Variants in ZSCAN26 observed in about 807,000 individuals in gnomAD.
ZSCAN26 encodes zinc finger and SCAN domain containing 26, also known as zinc finger and SCAN domain-containing protein 26.
In ZSCAN26, 26 loss-of-function variants were observed where a neutral mutation model predicts 23.0. The observed-to-expected ratio is 1.13, with a 90% CI of 0.83 to 1.57. The LOEUF (loss-of-function observed/expected upper bound fraction) is 1.57, where lower values mean the gene tolerates loss of function less well. Ranked by LOEUF, ZSCAN26 falls within the 40% of genes most tolerant of loss-of-function variation. The probability of loss-of-function intolerance (pLI) is 0.00; values close to 1 mark genes in which losing one functional copy is unlikely to be tolerated. For missense variants in ZSCAN26, 528 were observed against 568.5 expected (o/e 0.93, Z 0.72); for synonymous variants, 180 against 202.5 (o/e 0.89, Z 0.94).
In ZSCAN26 at chr6:28,272,237, G is replaced by A. The variant is rs746722861; in HGVS notation, c.318G>A (p.Glu106=). Reference sequence around the variant, plus strand: ...AGTTTCTGATCATCCTGCCTAAGGAGCTCCAGGCCCGGGTGCAGGAGCATC... The same window carrying A: ...AGTTTCTGATCATCCTGCCTAAGGAACTCCAGGCCCGGGTGCAGGAGCATC... ...LEQFLIILPK[E]LQARVQEHHP... Residue 106 remains glutamate (E), a synonymous_variant, in exon 2 of 4, where the codon GAG becomes GAA. Transcript: ENST00000421553. 1 of 1,613,540 alleles carries A rather than the reference G, an allele frequency of 6.2e-7. No homozygotes were observed. Among genetic ancestry groups the A allele is most frequent in the Non-Finnish European group, 8.5e-7 (1 of 1,179,770 alleles).
chr6:28,272,084 G>T lies in ZSCAN26; in HGVS notation c.165G>T (p.Arg55Ser). 6.4e-7 allele frequency: 1 copy of T among 1,572,498 alleles called. No individual in the cohort carries two copies. The highest frequency in any genetic ancestry group is 1.2e-5 in the South Asian group (1 of 86,094). ...LGQEPLCKQF[R>S]QLRYEETTGP... ...AGGAGCCATTGTGCAAACAATTCAG[G>T]CAGTTGCGTTATGAAGAGACCACAG... Residue 55 changes from arginine to serine, a missense_variant, in exon 2 of 4, where the codon AGG (arginine) becomes AGT (serine). By Grantham distance (110) the Arg-to-Ser change is moderately radical. Transcript: ENST00000421553.
Position 28,276,178 on chromosome 6 carries a change from T to C in ZSCAN26, c.539-17T>C, listed in dbSNP as rs772099711. 6.4e-6 allele frequency: 10 copies of C among 1,570,068 alleles called. No homozygotes were observed. Among genetic ancestry groups the C allele is most frequent in the Non-Finnish European group, 8.6e-6 (10 of 1,159,346 alleles). ...ATCAAAAGACAAGTAATTGGTGGTA[T>C]ATATTTAATATTGCAGGTGAGGAGA... On this transcript the variant is annotated splice_polypyrimidine_tract_variant and intron_variant, in intron 3 of 3. Coordinates refer to ENST00000421553, the MANE Select transcript of ZSCAN26 (RefSeq NM_001023560.4).
Position 28,272,104 on chromosome 6 carries a change from C to A in ZSCAN26, c.185C>A (p.Thr62Asn), listed in dbSNP as rs375716851. 8.9e-5 allele frequency: 141 copies of A among 1,592,388 alleles called. No homozygotes were observed. In the African/African-American group the frequency reaches 1.8e-3, roughly 20 times the overall value. Reference protein sequence around the residue: ...KQFRQLRYEETTGPREALSRL... With the variant: ...KQFRQLRYEENTGPREALSRL... ...TTCAGGCAGTTGCGTTATGAAGAGA[C>A]CACAGGACCTCGAGAAGCACTAAGT... Residue 62 changes from threonine (T) to asparagine (N), a missense_variant, in exon 2 of 4, where the codon ACC (threonine) becomes AAC (asparagine). Thr to Asn is a moderately conservative substitution (Grantham distance 65). Transcript: ENST00000421553.
chr6:28,275,024 C>T (rs1195794374), intron 3 of ZSCAN26, among the ~76,000 whole-genome samples: 1 of 152,108 alleles, frequency 6.6e-6, no homozygotes, highest in Non-Finnish European at 1.5e-5. Flanking sequence ...TTTATTCACT[C>T]CCCACCTGTG....
At chr6:28,271,809 G>A (rs1761696311) in intron 1 of ZSCAN26, 45 bp from the exon 2 acceptor site, 1 of 929,322 alleles carries the variant, frequency 1.1e-6, no homozygotes, top group East Asian at 2.7e-5. Flanking sequence ...GTTCTTGTTA[G>A]CAGTACTATT....
chr6:28,271,926 A>G lies in ZSCAN26; in HGVS notation c.7A>G (p.Thr3Ala), dbSNP rs1319149092. 6.5e-7 allele frequency: 1 copy of G among 1,549,100 alleles called. No homozygotes were observed. Among genetic ancestry groups the G allele is most frequent in the Admixed American group, 2.0e-5 (1 of 50,626 alleles). ...GAACAGTCTGAAGCTGGGGATGGCA[A>G]CAGCATTGGTGAGTGCCCATTCCCT... Reference protein sequence around the residue: MATALVSAHSLAP... With the variant: MAAALVSAHSLAP... Residue 3 changes from threonine to alanine, a missense_variant, in exon 2 of 4, where the codon ACA (threonine) becomes GCA (alanine). Transcript: ENST00000421553.
Position 28,276,345 on chromosome 6 carries a change from T to C in ZSCAN26, c.689T>C (p.Ile230Thr), listed in dbSNP as rs1040507789. The C allele has an allele frequency of 2.5e-6, 4 of 1,613,840 alleles. No individual in the cohort carries two copies. Among genetic ancestry groups the C allele is most frequent in the East Asian group, 2.2e-5 (1 of 44,896 alleles). Reference sequence around the variant, plus strand: ...CATCAGGCCAAGCCCAAAGAGAAGATTGAGTATAAATGCTCAGAACGTGAG... The same window carrying C: ...CATCAGGCCAAGCCCAAAGAGAAGACTGAGTATAAATGCTCAGAACGTGAG... ...ERHQAKPKEK[I>T]EYKCSEREQR... Residue 230 changes from isoleucine (I) to threonine (T), a missense_variant, in exon 4 of 4, where the codon ATT becomes ACT. Transcript: ENST00000421553.
rs1234530349 is a variant in ZSCAN26 at position 28,277,761 on chromosome 6, G to T, written c.*665G>T. 1 of 152,192 alleles carries T rather than the reference G, an allele frequency of 6.6e-6. No homozygotes were observed. Among genetic ancestry groups the T allele is most frequent in the African/African-American group, 2.4e-5 (1 of 41,434 alleles). The allele number at this position is 152,192 out of a possible 1,614,324, so 9.4% of individuals were successfully genotyped here. On this transcript the variant is annotated 3_prime_UTR_variant, in exon 4 of 4. Coordinates refer to ENST00000421553, the MANE Select transcript of ZSCAN26 (RefSeq NM_001023560.4). ...CCCACCACATTATGTCAAGATTCAA[G>T]TTATAAATTAACGTTTTACTTAGAC...
rs1762026656 is a variant in ZSCAN26 at position 28,278,169 on chromosome 6, G to A, written c.*1073G>A. Reference sequence around the variant, plus strand: ...TATATCCTGGTCTTGGGAGTCCATAGAATACTGTTTCCTTCTAATAAAGGT... The same window carrying A: ...TATATCCTGGTCTTGGGAGTCCATAAAATACTGTTTCCTTCTAATAAAGGT... On this transcript the variant is annotated 3_prime_UTR_variant, in exon 4 of 4. Transcript: ENST00000421553. 1.3e-5 allele frequency: 2 copies of A among 152,150 alleles called. No individual in the cohort carries two copies. 9.4% of individuals were successfully genotyped at this position (152,150 alleles called of 1,614,324 possible). A position where few individuals can be genotyped will look rare whatever the true frequency, so the allele number is the denominator to read the frequency against.
At position 28,277,070 on chromosome 6, in the gene ZSCAN26, T is replaced by C; in HGVS notation, c.1414T>C (p.Tyr472His). The change falls in exon 4 of 4, where the codon TAT becomes CAT. Residue 472 changes from tyrosine (Y) to histidine (H), a missense_variant. Tyr to His is a moderately conservative substitution (Grantham distance 83). Transcript: ENST00000421553. ...QRSGLFQHQR[Y>H]HHKDKLA ...GTCAGGTCTTTTTCAACATCAGAGA[T>C]ATCACCACAAAGACAAACTGGCTTG... is the stretch of plus-strand genomic sequence containing the variant. 1 of 1,613,470 alleles carries C rather than the reference T, an allele frequency of 6.2e-7. No individual in the cohort carries two copies. Among genetic ancestry groups the C allele is most frequent in the East Asian group, 2.2e-5 (1 of 44,882 alleles).
chr6:28,272,581 C>G (rs1761743719), intron 2 of ZSCAN26, 89 bp from the exon 3 acceptor site: 1 of 1,171,876 alleles, frequency 8.5e-7, no homozygotes, highest in Non-Finnish European at 1.2e-6. Flanking sequence ...TCTTTCTTCT[C>G]TTTTTTAACA....
In ZSCAN26 at chr6:28,276,705, G is replaced by A. The variant is rs769331933; in HGVS notation, c.1049G>A (p.Arg350His). Residue 350 changes from arginine to histidine, a missense_variant, in exon 4 of 4, where the codon CGC (arginine) becomes CAC (histidine). Coordinates refer to ENST00000421553, the MANE Select transcript of ZSCAN26 (RefSeq NM_001023560.4). ...ATCCATTGTGGAAAAAATTTTAGGCGCAGCTCTCACCTTAATCGACATCAG... is the reference window on the plus strand; with the variant it reads ...ATCCATTGTGGAAAAAATTTTAGGCACAGCTCTCACCTTAATCGACATCAG... ...LCIHCGKNFRRSSHLNRHQRI... is the reference protein window; with the variant it reads ...LCIHCGKNFRHSSHLNRHQRI... The A allele has an allele frequency of 3.7e-6, 6 of 1,612,688 alleles. No individual in the cohort carries two copies. The highest frequency in any genetic ancestry group is 1.3e-5 in the African/African-American group (1 of 74,880).
In ZSCAN26 at chr6:28,277,064, C is replaced by T. The variant is rs776785015; in HGVS notation, c.1408C>T (p.Gln470Ter). ...GCAAAGGTCAGGTCTTTTTCAACAT[C>T]AGAGATATCACCACAAAGACAAACT... is the stretch of plus-strand genomic sequence containing the variant. ...FRQRSGLFQHQRYHHKDKLA is the reference protein window; with the variant it reads ...FRQRSGLFQH The change falls in exon 4 of 4, where the codon CAG (glutamine) becomes TAG (stop). Residue 470 changes from glutamine (Q) to a stop codon, truncating the protein, a stop_gained. Transcript: ENST00000421553. LOFTEE classifies it high-confidence loss of function. 1 of 1,613,656 alleles carries T rather than the reference C, an allele frequency of 6.2e-7. No individual in the cohort carries two copies. The highest frequency in any genetic ancestry group is 8.5e-7 in the Non-Finnish European group (1 of 1,179,824).
Position 28,276,690 on chromosome 6 carries a change from GA to G in ZSCAN26, c.1040del (p.Asn347IlefsTer60). On this transcript the variant is annotated frameshift_variant, in exon 4 of 4. Coordinates refer to ENST00000421553, the MANE Select transcript of ZSCAN26 (RefSeq NM_001023560.4). LOFTEE classifies it low-confidence loss of function (END_TRUNC). ...AAACCTTATCTATGTATCCATTGTG[GA>G]AAAAATTTTAGGCGCAGCTCTCACC... ...GEKPYLCIHC[G>X]KNFRRSSHLN... 1.2e-6 allele frequency: 2 copies of G among 1,612,162 alleles called. No individual in the cohort carries two copies. Among genetic ancestry groups the G allele is most frequent in the Non-Finnish European group, 1.7e-6 (2 of 1,178,986 alleles).
At position 28,272,314 on chromosome 6, in the gene ZSCAN26, A is replaced by G; in HGVS notation, c.395A>G (p.Asp132Gly). Residue 132 changes from aspartate (D) to glycine (G), a missense_variant, in exon 2 of 4, where the codon GAT becomes GGT. Coordinates refer to ENST00000421553, the MANE Select transcript of ZSCAN26 (RefSeq NM_001023560.4). ...GTTGTTCTGGAGGATTTGCAGCTGG[A>G]TCTTGGAGAAACAGGACAACAGGTG... ...VVVVLEDLQL[D>G]LGETGQQVDP... 6.4e-7 allele frequency: 1 copy of G among 1,554,604 alleles called. No individual in the cohort carries two copies. The highest frequency in any genetic ancestry group is 8.7e-7 in the Non-Finnish European group (1 of 1,149,240).
Position 28,272,036 on chromosome 6 carries a change from A to G in ZSCAN26, c.117A>G (p.Gln39=). Residue 39 remains glutamine, a synonymous_variant, in exon 2 of 4, where the codon CAA becomes CAG. Transcript: ENST00000421553. ...YSTWEQGFKL[Q]GNSKGLGQEP... ...CTTGGGAACAGGGATTCAAGCTGCAAGGAAACAGTAAAGGCCTTGGACAGG... is the reference window on the plus strand; with the variant it reads ...CTTGGGAACAGGGATTCAAGCTGCAGGGAAACAGTAAAGGCCTTGGACAGG... 6.4e-7 allele frequency: 1 copy of G among 1,552,372 alleles called. No homozygotes were observed. Among genetic ancestry groups the G allele is most frequent in the Non-Finnish European group, 8.7e-7 (1 of 1,147,308 alleles).
intron 1 of ZSCAN26, among the ~76,000 whole-genome samples, chr6:28,267,848 G>A (rs1418111749): frequency 6.6e-6 from 1 of 152,112 alleles, no homozygotes; most frequent in Non-Finnish European, 1.5e-5. Context: ...TTGTAAGTGG[G>A]CAAGAATGGA....
At position 28,277,024 on chromosome 6, in the gene ZSCAN26, T is replaced by C; in HGVS notation, c.1368T>C (p.Cys456=). ...NEEKPYQCSE[C]GEAFRQRSGL... is the part of the protein sequence containing the mutation. ...AAAAACCCTATCAGTGTAGTGAATGTGGAGAAGCCTTCAGGCAAAGGTCAG... is the reference window on the plus strand; with the variant it reads ...AAAAACCCTATCAGTGTAGTGAATGCGGAGAAGCCTTCAGGCAAAGGTCAG... The change falls in exon 4 of 4, where the codon TGT becomes TGC. Residue 456 remains cysteine, a synonymous_variant. Coordinates refer to ENST00000421553, the MANE Select transcript of ZSCAN26 (RefSeq NM_001023560.4). 1 of 1,613,996 alleles carries C rather than the reference T, an allele frequency of 6.2e-7. No homozygotes were observed. Among genetic ancestry groups the C allele is most frequent in the Non-Finnish European group, 8.5e-7 (1 of 1,179,874 alleles).
chr6:28,272,472 T>G (rs1472416866), intron 2 of ZSCAN26, 133 bp downstream of exon 2: 1 of 1,197,144 alleles, frequency 8.4e-7, no homozygotes, highest in African/African-American at 1.5e-5. Flanking sequence ...AGCTGTTAAT[T>G]TCCTTAGGTC....
Sources: gnomAD v4.1 joint callset for allele counts (sites outside exome capture counted in the v4.1 genomes callset) on GRCh38, gnomAD v4.1.1 for gene constraint, MANE v1.5 for transcripts, NCBI Gene and HGNC (gene_info 2026-07-23, HGNC 2026-07-21) for gene names.